The following RTN1 variants were observed in gnomAD, a reference collection of about 807,000 sequenced individuals.
RTN1 encodes the protein reticulon 1, also known as reticulon-1.
In RTN1, 25 loss-of-function variants were observed where a neutral mutation model predicts 65.5. That is an observed-to-expected ratio of 0.38 (90% confidence interval 0.28 to 0.53). RTN1 has a LOEUF of 0.53. Ranked by LOEUF, RTN1 falls within the 20% of genes least tolerant of loss-of-function variation. RTN1 has a pLI of 0.79. For missense variants in RTN1, 983 were observed against 1,025.4 expected (o/e 0.96, Z 0.57); for synonymous variants, 471 against 447.6 (o/e 1.05, Z -0.66).
chr14:59,752,031 C>T (rs1885533017), intron 1 of RTN1, among the ~76,000 whole-genome samples: 1 of 152,132 alleles, frequency 6.6e-6, no homozygotes, highest in Admixed American at 6.5e-5. Context: ...TTCTAAGCTC[C>T]ACTAATATAA....
rs1316759782 is a variant in RTN1 at position 59,607,503 on chromosome 14, C to T, written c.1766-11G>A. On this transcript the variant is annotated splice_polypyrimidine_tract_variant and intron_variant, in intron 3 of 8. Transcript: ENST00000267484. ...ACAACAGGTCAATAGCTGCAGGAGA[C>T]ACCAAACACACCCAGCTGAGCTCCC... 6.3e-7 allele frequency: 1 copy of T among 1,591,772 alleles called. No individual in the cohort carries two copies. The highest frequency in any genetic ancestry group is 1.1e-5 in the South Asian group (1 of 88,434).
intron 1 of RTN1, among the ~76,000 whole-genome samples, chr14:59,753,956 C>A (rs1317839377): frequency 6.6e-6 from 1 of 152,172 alleles, no homozygotes; most frequent in Non-Finnish European, 1.5e-5. Context: ...GGCAAATGTA[C>A]CTTGAGAGTC....
At chr14:59,666,916 C>T (rs1316405944) in intron 3 of RTN1, among the ~76,000 whole-genome samples, 3 of 122,418 alleles carry the variant, frequency 2.5e-5, no homozygotes, top group Non-Finnish European at 4.8e-5. Context: ...CTGAATAGAC[C>T]AATATCAAGT....
intron 3 of RTN1, among the ~76,000 whole-genome samples, chr14:59,634,276 T>G (rs1882617721): frequency 1.3e-5 from 2 of 152,198 alleles, no homozygotes; most frequent in Admixed American, 6.5e-5. Flanking sequence ...ATTGGTACAC[T>G]ATATAAGCAT....
intron 1 of RTN1, among the ~76,000 whole-genome samples, chr14:59,808,552 CA>C (rs2139609541): frequency 6.6e-6 from 1 of 152,218 alleles, no homozygotes; most frequent in Non-Finnish European, 1.5e-5. Context: ...CAGACCCAGA[CA>C]AAACAGGGCT....
At chr14:59,657,365 C>G (rs550973045) in intron 3 of RTN1, among the ~76,000 whole-genome samples, 1 of 152,170 alleles carries the variant, frequency 6.6e-6, no homozygotes, top group South Asian at 2.1e-4. Flanking sequence ...GCCGAGACTG[C>G]GCTACTGCAC....
At chr14:59,679,568 G>C (rs1366603919) in intron 3 of RTN1, among the ~76,000 whole-genome samples, 1 of 152,164 alleles carries the variant, frequency 6.6e-6, no homozygotes, top group Non-Finnish European at 1.5e-5. Flanking sequence ...TAAAACAGCA[G>C]AGTACAAAAC....
At chr14:59,837,136 A>G (rs2139647932) in intron 1 of RTN1, among the ~76,000 whole-genome samples, 1 of 152,266 alleles carries the variant, frequency 6.6e-6, no homozygotes, top group South Asian at 2.1e-4. Context: ...TAAACAGATC[A>G]ATGTAACAGA....
intron 3 of RTN1, among the ~76,000 whole-genome samples, chr14:59,643,355 G>A (rs557885388): frequency 6.6e-6 from 1 of 152,334 alleles, no homozygotes; most frequent in East Asian, 1.9e-4. Context: ...GAGTAGCTGG[G>A]ATTACAGGTG....
At chr14:59,835,149 A>G (rs1887192076) in intron 1 of RTN1, among the ~76,000 whole-genome samples, 2 of 152,292 alleles carry the variant, frequency 1.3e-5, no homozygotes, top group South Asian at 4.1e-4. Context: ...GTATCCATAC[A>G]ATGCAGTACC....
intron 1 of RTN1, among the ~76,000 whole-genome samples, chr14:59,822,315 T>A (rs1239610425): frequency 6.6e-6 from 1 of 152,224 alleles, no homozygotes; most frequent in East Asian, 1.9e-4. Flanking sequence ...TTTGTAGTAG[T>A]CTCTGAGGGG....
intron 1 of RTN1, among the ~76,000 whole-genome samples, chr14:59,784,706 C>G (rs1464002430): frequency 6.6e-6 from 1 of 152,116 alleles, no homozygotes; most frequent in Non-Finnish European, 1.5e-5. Context: ...TGTTTTCTCT[C>G]TTTATTTGAA....
chr14:59,726,854 T>G, intron 3 of RTN1, 65 bp downstream of exon 3: 2 of 1,426,694 alleles, frequency 1.4e-6, no homozygotes, highest in Non-Finnish European at 1.9e-6. Flanking sequence ...GAACCGCCCC[T>G]GCTGAATGCT....
intron 3 of RTN1, among the ~76,000 whole-genome samples, chr14:59,654,420 C>T (rs1272666955): frequency 1.6e-5 from 2 of 126,464 alleles, no homozygotes; most frequent in Admixed American, 8.4e-5. Flanking sequence ...CAGAGCGAGA[C>T]TCTGTCTCTG....
chr14:59,720,999 T>C (rs1375917097), intron 3 of RTN1, among the ~76,000 whole-genome samples: 1 of 152,130 alleles, frequency 6.6e-6, no homozygotes, highest in Admixed American at 6.6e-5. Flanking sequence ...GACTAGGGTA[T>C]AATGACTTTT....
chr14:59,745,467 A>C (rs538088195), intron 2 of RTN1, among the ~76,000 whole-genome samples: 2 of 152,300 alleles, frequency 1.3e-5, no homozygotes, highest in South Asian at 2.1e-4. Flanking sequence ...TAAAGAAAAA[A>C]AAAATTTTAC....
intron 3 of RTN1, among the ~76,000 whole-genome samples, chr14:59,620,067 G>C (rs1882213545): frequency 6.6e-6 from 1 of 152,008 alleles, no homozygotes; most frequent in Admixed American, 6.6e-5. Context: ...GAAGATTTTG[G>C]AAAACAGACT....
In RTN1 at chr14:59,669,204, C is replaced by T. The variant is rs552931271; in HGVS notation, c.1765+57715G>A. On this transcript the variant is annotated intron_variant, in intron 3 of 8. Transcript: ENST00000267484. Reference sequence around the variant, plus strand: ...CCAATAGCAAAGACTTGGAACCAACCCAAATGTCCATCAATGATAGACTGG... The same window carrying T: ...CCAATAGCAAAGACTTGGAACCAACTCAAATGTCCATCAATGATAGACTGG... Among the ~76,000 whole-genome samples, 16 of 152,240 alleles carry T rather than the reference C, an allele frequency of 1.1e-4. No individual in the cohort carries two copies. The East Asian group carries it at 3.1e-3, about 29-fold the overall frequency.
intron 3 of RTN1, among the ~76,000 whole-genome samples, chr14:59,643,658 T>C (rs1343877770): frequency 1.3e-5 from 2 of 152,072 alleles, no homozygotes; most frequent in Non-Finnish European, 2.9e-5. Context: ...TAAGACAGGA[T>C]ACACAATAAA....
Sources: gnomAD v4.1 joint callset for allele counts (sites outside exome capture counted in the v4.1 genomes callset) on GRCh38, gnomAD v4.1.1 for gene constraint, MANE v1.5 for transcripts, NCBI Gene and HGNC (gene_info 2026-07-23, HGNC 2026-07-21) for gene names.